The following TIMM44 variants were observed in gnomAD, a reference collection of about 807,000 sequenced individuals.
TIMM44 encodes the protein translocase of inner mitochondrial membrane 44.
A neutral mutation model predicts 63.8 loss-of-function variants in TIMM44; 37 were observed. The ratio of observed to expected loss-of-function variants is 0.58; its 90% confidence interval spans 0.45 to 0.76. The LOEUF (loss-of-function observed/expected upper bound fraction) is 0.76, where lower values mean the gene tolerates loss of function less well. Among genes scored for constraint, TIMM44 ranks in the 30% least tolerant of loss-of-function variants. TIMM44 has a pLI of 0.00. For missense variants in TIMM44, 573 were observed against 603.8 expected (o/e 0.95, Z 0.54); for synonymous variants, 239 against 245.1 (o/e 0.98, Z 0.23).
chr19:7,943,509 A>G lies in TIMM44; in HGVS notation c.45+98T>C. 2.9e-6 allele frequency: 4 copies of G among 1,375,520 alleles called. No individual in the cohort carries two copies. The highest frequency in any genetic ancestry group is 4.0e-6 in the Non-Finnish European group (4 of 1,000,418). The allele number at this position is 1,375,520 out of a possible 1,614,324, so 85.2% of individuals were successfully genotyped here. ...CCCAAGCTTTCTAAGGAGCCCAAGCAAGGGTCGCGAAGGCCAAGGGTCTGA... is the reference window on the plus strand; with the variant it reads ...CCCAAGCTTTCTAAGGAGCCCAAGCGAGGGTCGCGAAGGCCAAGGGTCTGA... On this transcript the variant is annotated intron_variant, in intron 1 of 12. Coordinates refer to ENST00000270538, the MANE Select transcript of TIMM44 (RefSeq NM_006351.4). This position sits in a 1 kb window ranked among gnomAD's most constrained non-coding sequence, Gnocchi z 4.3.
intron 9 of TIMM44, chr19:7,931,450 C>A (rs1425393500): frequency 1.0e-5 from 5 of 499,442 alleles, no homozygotes; most frequent in East Asian, 3.5e-5. Flanking sequence ...CACAGGGGGA[C>A]CCCCCTGGAA....
intron 2 of TIMM44, 28 bp from the exon 3 acceptor site, chr19:7,938,225 T>G: frequency 6.3e-7 from 1 of 1,588,926 alleles, no homozygotes; most frequent in Non-Finnish European, 8.6e-7. Context: ...GAAAAAAAAT[T>G]TAAAGAACAT....
At position 7,934,100 on chromosome 19, in the gene TIMM44, C is replaced by T. The variant is rs1167140008; in HGVS notation, c.532G>A (p.Ala178Thr). The change falls in exon 5 of 13, where the codon GCC becomes ACC. Residue 178 changes from alanine (A) to threonine (T), a missense_variant. Ala to Thr is a moderately conservative substitution (Grantham distance 58). Coordinates refer to ENST00000270538, the MANE Select transcript of TIMM44 (RefSeq NM_006351.4). The surrounding 1 kb of genome is among the most constrained non-coding windows in gnomAD (Gnocchi z 5.3). ...EKLGRTAAFR[A>T]LSQGVESVKK... Reference sequence around the variant, plus strand: ...AGGACTGGGCTCACCTGGGAGAGGGCTCTGAAGGCCGCTGTCCTGCCCAGC... The same window carrying T: ...AGGACTGGGCTCACCTGGGAGAGGGTTCTGAAGGCCGCTGTCCTGCCCAGC... 6.2e-7 allele frequency: 1 copy of T among 1,613,254 alleles called. No homozygotes were observed. Among genetic ancestry groups the T allele is most frequent in the Admixed American group, 1.7e-5 (1 of 60,026 alleles).
In TIMM44 at chr19:7,934,073, C is replaced by T. The variant is rs770262987; in HGVS notation, c.543+16G>A. 6.2e-5 allele frequency: 100 copies of T among 1,613,246 alleles called. No homozygotes were observed. Among genetic ancestry groups the T allele is most frequent in the Non-Finnish European group, 3.0e-5 (35 of 1,179,998 alleles). ...GCCGCCCCAGGCTGCATGCCCTAGC[C>T]CAGGACTGGGCTCACCTGGGAGAGG... On this transcript the variant is annotated intron_variant, in intron 5 of 12. Coordinates refer to ENST00000270538, the MANE Select transcript of TIMM44 (RefSeq NM_006351.4). This position sits in a 1 kb window ranked among gnomAD's most constrained non-coding sequence, Gnocchi z 5.3.
rs981500165 is a variant in TIMM44, at chr19:7,934,885, A to G, written c.393+180T>C. Among the ~76,000 whole-genome samples, 1 of 152,142 alleles carries G rather than the reference A, an allele frequency of 6.6e-6. No homozygotes were observed. Among genetic ancestry groups the G allele is most frequent in the African/African-American group, 2.4e-5 (1 of 41,430 alleles). On this transcript the variant is annotated intron_variant, in intron 4 of 12. Coordinates refer to ENST00000270538, the MANE Select transcript of TIMM44 (RefSeq NM_006351.4). The surrounding 1 kb of genome is among the most constrained non-coding windows in gnomAD (Gnocchi z 5.3). ...GGGTCAACGGTCATGCAAGGTTGCC[A>G]GTCTGACCTCACCCTGCATGTGCCG... is the stretch of plus-strand genomic sequence containing the variant.
intron 11 of TIMM44, 67 bp from the exon 12 acceptor site, chr19:7,927,834 C>A (rs1436981835): frequency 5.3e-6 from 8 of 1,513,458 alleles, no homozygotes; most frequent in South Asian, 4.5e-5. Flanking sequence ...GGAGGTGAAA[C>A]CCCTGCGCCT....
chr19:7,928,360 T>C, intron 10 of TIMM44, 194 bp from the exon 11 acceptor site: 1 of 596,738 alleles, frequency 1.7e-6, no homozygotes, highest in South Asian at 2.0e-5. Context: ...TTCCCACTCC[T>C]GGGAACAACA....
In TIMM44 at chr19:7,926,956, G is replaced by C; in HGVS notation, c.*231C>G. On this transcript the variant is annotated 3_prime_UTR_variant, in exon 13 of 13. Coordinates refer to ENST00000270538, the MANE Select transcript of TIMM44 (RefSeq NM_006351.4). ...GTGACCAGGCGCCGGGACCCCTGCA[G>C]GGCAGAGCAACAGGGCAGGGGTTGG... 1.8e-6 allele frequency: 1 copy of C among 571,238 alleles called. No homozygotes were observed. Among genetic ancestry groups the C allele is most frequent in the Non-Finnish European group, 3.1e-6 (1 of 322,066 alleles). 35.4% of individuals were successfully genotyped at this position (571,238 alleles called of 1,614,324 possible). A position where few individuals can be genotyped will look rare whatever the true frequency, so the allele number is the denominator to read the frequency against.
chr19:7,941,135 A>G lies in TIMM44; in HGVS notation c.108T>C (p.Tyr36=), dbSNP rs1984298291. 1 of 1,613,912 alleles carries G rather than the reference A, an allele frequency of 6.2e-7. No homozygotes were observed. The highest frequency in any genetic ancestry group is 1.3e-5 in the African/African-American group (1 of 74,880). Residue 36 remains tyrosine, a synonymous_variant, in exon 2 of 13, where the codon TAT becomes TAC. Transcript: ENST00000270538. ...SSHNLPHGST[Y]QMRRPGGELP... is the part of the protein sequence containing the mutation. ...GCTCTCCGCCCGGCCGGCGCATCTG[A>G]TAGGTCGACCCATGGGGTAGGTTGT...
intron 9 of TIMM44, chr19:7,932,159 A>G (rs1984003035): frequency 1.0e-5 from 2 of 191,248 alleles, no homozygotes; most frequent in African/African-American, 4.7e-5. Flanking sequence ...CATGACCTTG[A>G]GCAAGATACC....
chr19:7,933,368 C>T lies in TIMM44; in HGVS notation c.769+117G>A. The T allele has an allele frequency of 7.5e-6, 7 of 938,302 alleles. No individual in the cohort carries two copies. The highest frequency in any genetic ancestry group is 2.4e-5 in the East Asian group (1 of 41,862). The allele number at this position is 938,302 out of a possible 1,614,324, so 58.1% of individuals were successfully genotyped here. A position where few individuals can be genotyped will look rare whatever the true frequency, so the allele number is the denominator to read the frequency against. On this transcript the variant is annotated intron_variant, in intron 7 of 12. Coordinates refer to ENST00000270538, the MANE Select transcript of TIMM44 (RefSeq NM_006351.4). The surrounding 1 kb of genome is among the most constrained non-coding windows in gnomAD (Gnocchi z 4.3). ...CAAAGAAGTGACCGGCCCACTCTGA[C>T]CCCGATCTCCTCCTCTGCAAAACGG...
Position 7,933,698 on chromosome 19 carries a change from A to G in TIMM44, c.684-128T>C. The stretch of plus-strand genomic sequence containing the variant: ...GACCTCAAACCTAGGGGCTCTGAGG[A>G]CCCCGCCCTCACCTCTCACCCTCAA... On this transcript the variant is annotated intron_variant, in intron 6 of 12. Coordinates refer to ENST00000270538, the MANE Select transcript of TIMM44 (RefSeq NM_006351.4). This position sits in a 1 kb window ranked among gnomAD's most constrained non-coding sequence, Gnocchi z 4.3. 1 of 1,296,628 alleles carries G rather than the reference A, an allele frequency of 7.7e-7. No individual in the cohort carries two copies. The highest frequency in any genetic ancestry group is 1.2e-5 in the South Asian group (1 of 83,400). The allele number at this position is 1,296,628 out of a possible 1,614,324, so 80.3% of individuals were successfully genotyped here.
chr19:7,928,503 C>T (rs908559399), intron 10 of TIMM44: 6 of 315,994 alleles, frequency 1.9e-5, no homozygotes, highest in South Asian at 1.1e-4. Flanking sequence ...CCATATTCGC[C>T]GCACTCTGAA....
At chr19:7,932,530 G>C (rs1016031399) in intron 9 of TIMM44, 97 bp downstream of exon 9, 2 of 1,544,352 alleles carry the variant, frequency 1.3e-6, no homozygotes, top group African/African-American at 2.7e-5. Flanking sequence ...CTCGGCAGCA[G>C]AGTTCCCTGG....
chr19:7,928,383 G>A, intron 10 of TIMM44: 1 of 571,344 alleles, frequency 1.8e-6, no homozygotes, highest in South Asian at 2.2e-5. Flanking sequence ...CTATCCAGAT[G>A]ACCCAATGAA....
chr19:7,937,743 C>A (rs1187408846), intron 3 of TIMM44: 2 of 392,416 alleles, frequency 5.1e-6, no homozygotes, highest in African/African-American at 2.1e-5. Flanking sequence ...AGGGGCCCAA[C>A]GCGGTGGCTC....
chr19:7,934,993 T>C lies in TIMM44; in HGVS notation c.393+72A>G. 1 of 1,440,846 alleles carries C rather than the reference T, an allele frequency of 6.9e-7. No individual in the cohort carries two copies. The highest frequency in any genetic ancestry group is 1.2e-5 in the South Asian group (1 of 83,360). 89.3% of individuals were successfully genotyped at this position (1,440,846 alleles called of 1,614,324 possible). On this transcript the variant is annotated intron_variant, in intron 4 of 12. Coordinates refer to ENST00000270538, the MANE Select transcript of TIMM44 (RefSeq NM_006351.4). This position sits in a 1 kb window ranked among gnomAD's most constrained non-coding sequence, Gnocchi z 5.3. ...AAGCCACCCCCACCCAGGAGCCGAC[T>C]CTTCCTCCAGCCTCCAGCGGCCAGG...
intron 10 of TIMM44, among the ~76,000 whole-genome samples, chr19:7,930,096 G>T (rs185471044): frequency 0.014 from 2,106 of 151,896 alleles, 45 homozygotes; most frequent in African/African-American, 0.049. Flanking sequence ...TGATCCGCCC[G>T]CCTCAGCCTC....
chr19:7,933,732 G>A lies in TIMM44; in HGVS notation c.683+132C>T, dbSNP rs1024364627. On this transcript the variant is annotated intron_variant, in intron 6 of 12. Transcript: ENST00000270538. This position sits in a 1 kb window ranked among gnomAD's most constrained non-coding sequence, Gnocchi z 4.3. ...TCACCTCTCACCCTCAAATTCGAGG[G>A]AGCCGGGAACCTTGGGCAGAAGGCA... 1 of 1,457,622 alleles carries A rather than the reference G, an allele frequency of 6.9e-7. No homozygotes were observed. Among genetic ancestry groups the A allele is most frequent in the Non-Finnish European group, 9.5e-7 (1 of 1,047,434 alleles). 90.3% of individuals were successfully genotyped at this position (1,457,622 alleles called of 1,614,324 possible). A position where few individuals can be genotyped will look rare whatever the true frequency, so the allele number is the denominator to read the frequency against.
Sources: allele counts gnomAD v4.1 joint callset (sites outside exome capture counted in the v4.1 genomes callset), GRCh38; gene constraint gnomAD v4.1.1; non-coding constraint Gnocchi (gnomAD v3.1); transcripts MANE v1.5; gene names NCBI Gene and HGNC (gene_info 2026-07-23, HGNC 2026-07-21).